The following REEP3 variants were observed in gnomAD, a reference collection of about 807,000 sequenced individuals.
REEP3 encodes the protein receptor expression-enhancing protein 3.
A neutral mutation model predicts 41.3 loss-of-function variants in REEP3; 20 were observed. That is an observed-to-expected ratio of 0.48 (90% CI 0.34 to 0.70). REEP3 has a LOEUF of 0.70. REEP3 is among the 30% of genes least tolerant of loss of function. The pLI is 0.01. For synonymous variants in REEP3, 104 were observed against 101.8 expected (o/e 1.02, Z -0.13); for missense variants, 271 against 308.8 (o/e 0.88, Z 0.92).
At chr10:63,571,586 G>A (rs985078219) in intron 2 of REEP3, among the ~76,000 whole-genome samples, 2 of 152,118 alleles carry the variant, frequency 1.3e-5, no homozygotes, top group African/African-American at 2.4e-5. Flanking sequence ...GATTAATCCA[G>A]GATAAACTTC....
Position 63,538,330 on chromosome 10 carries a change from G to C in REEP3, c.32+16753G>C, listed in dbSNP as rs149758272. 2.2e-3 allele frequency among the ~76,000 whole-genome samples: 328 copies of C among 152,244 alleles called. 2 individuals are homozygous for C. Among genetic ancestry groups the C allele is most frequent in the African/African-American group, 7.5e-3 (311 of 41,514 alleles). ...TTAGTAAGAAAATAACATTAGCCCA[G>C]AATCTGGATGGTTCTAAACCTATCA... On this transcript the variant is annotated intron_variant, in intron 1 of 7. Coordinates refer to ENST00000373758, the MANE Select transcript of REEP3 (RefSeq NM_001001330.3).
chr10:63,562,222 G>A (rs965621450), intron 1 of REEP3, among the ~76,000 whole-genome samples: 22 of 151,570 alleles, frequency 1.5e-4, no homozygotes, highest in African/African-American at 4.4e-4. Context: ...CAGTGAAGTC[G>A]CTTTCACAGG....
intron 1 of REEP3, among the ~76,000 whole-genome samples, chr10:63,537,262 A>G (rs1955483364): frequency 6.6e-6 from 1 of 152,186 alleles, no homozygotes. Flanking sequence ...AGATATGATT[A>G]CCTATGGTAT....
chr10:63,617,438 G>T (rs1956320060), intron 6 of REEP3, among the ~76,000 whole-genome samples: 1 of 152,028 alleles, frequency 6.6e-6, no homozygotes. Flanking sequence ...TATATTTTTT[G>T]AAACAGGCTA....
intron 2 of REEP3, among the ~76,000 whole-genome samples, chr10:63,576,968 C>A (rs1042527153): frequency 3.9e-5 from 6 of 152,208 alleles, no homozygotes; most frequent in Non-Finnish European, 7.3e-5. Flanking sequence ...GAAGTTAGAA[C>A]TTCAACCTGT....
intron 1 of REEP3, among the ~76,000 whole-genome samples, chr10:63,560,427 A>G (rs1427889903): frequency 6.6e-6 from 1 of 152,214 alleles, no homozygotes; most frequent in African/African-American, 2.4e-5. Context: ...ATCTGTCTAG[A>G]AAATAGCTGT....
At chr10:63,566,314 T>C (rs1338683901) in intron 1 of REEP3, 24 bp from the exon 2 acceptor site, 1 of 1,353,046 alleles carries the variant, frequency 7.4e-7, no homozygotes, top group East Asian at 2.5e-5. Flanking sequence ...GTTTGAACAG[T>C]ATTCTCATTT....
At chr10:63,523,788 G>A (rs1180224612) in intron 1 of REEP3, among the ~76,000 whole-genome samples, 1 of 152,214 alleles carries the variant, frequency 6.6e-6, no homozygotes, top group Non-Finnish European at 1.5e-5. Context: ...TGGGGAAAAA[G>A]CAAGCTGGAA....
chr10:63,539,625 T>A (rs1348896224), intron 1 of REEP3, among the ~76,000 whole-genome samples: 2 of 152,184 alleles, frequency 1.3e-5, no homozygotes, highest in Non-Finnish European at 2.9e-5. Context: ...AGACCCCATC[T>A]CTTTAAAAAA....
intron 1 of REEP3, among the ~76,000 whole-genome samples, chr10:63,535,755 A>C (rs143870581): frequency 6.6e-6 from 1 of 152,306 alleles, no homozygotes; most frequent in East Asian, 1.9e-4. Context: ...TAACTTAATA[A>C]ATAGTGTTGT....
chr10:63,554,156 A>G (rs1032571903), intron 1 of REEP3, among the ~76,000 whole-genome samples: 7 of 152,024 alleles, frequency 4.6e-5, no homozygotes, highest in Admixed American at 4.6e-4. Flanking sequence ...TCTTTAAGTC[A>G]GTGGGCCTAA....
intron 2 of REEP3, among the ~76,000 whole-genome samples, chr10:63,589,950 A>G (rs1287593111): frequency 6.6e-6 from 1 of 151,868 alleles, no homozygotes; most frequent in East Asian, 1.9e-4. Context: ...ACGCACTACC[A>G]TGCCCGGCTA....
In REEP3 at chr10:63,521,568, G is replaced by C; in HGVS notation, c.23G>C (p.Arg8Thr). The C allele has an allele frequency of 7.0e-7, 1 of 1,427,998 alleles. No individual in the cohort carries two copies. Among genetic ancestry groups the C allele is most frequent in the East Asian group, 3.1e-5 (1 of 32,648 alleles). 88.5% of individuals were successfully genotyped at this position (1,427,998 alleles called of 1,614,324 possible). A position where few individuals can be genotyped will look rare whatever the true frequency, so the allele number is the denominator to read the frequency against. Residue 8 changes from arginine (R) to threonine (T), a missense_variant, in exon 1 of 8, where the codon AGA (arginine) becomes ACA (threonine). Coordinates refer to ENST00000373758, the MANE Select transcript of REEP3 (RefSeq NM_001001330.3). ...AAGATGGTGTCCTGGATGATCTCCA[G>C]AGCCGTGGTGTAAGTGCCTCTCACT... is the stretch of plus-strand genomic sequence containing the variant. MVSWMISRAVVLVFGMLY... is the reference protein window; with the variant it reads MVSWMISTAVVLVFGMLY...
At chr10:63,577,093 G>C (rs773260729) in intron 2 of REEP3, among the ~76,000 whole-genome samples, 3 of 152,108 alleles carry the variant, frequency 2.0e-5, no homozygotes, top group Non-Finnish European at 4.4e-5. Context: ...TATATCTTTA[G>C]GTATTTTCTC....
At chr10:63,569,409 C>CTGTG (rs143283543) in intron 2 of REEP3, among the ~76,000 whole-genome samples, 1 of 150,202 alleles carries the variant, frequency 6.7e-6, no homozygotes, top group Non-Finnish European at 1.5e-5. Context: ...TGGTGTGCTG[C>CTGTG]TGTGTGTGTG....
At chr10:63,594,584 A>G (rs1448930494) in intron 2 of REEP3, among the ~76,000 whole-genome samples, 194 bp from the exon 3 acceptor site, 1 of 152,208 alleles carries the variant, frequency 6.6e-6, no homozygotes, top group Non-Finnish European at 1.5e-5. Context: ...GTAGTAATGT[A>G]AAGAACTCAA....
chr10:63,535,922 T>G (rs1445408141), intron 1 of REEP3, among the ~76,000 whole-genome samples: 1 of 152,152 alleles, frequency 6.6e-6, no homozygotes, highest in Non-Finnish European at 1.5e-5. Flanking sequence ...CACAATTTGG[T>G]AGAGAAGAAT....
chr10:63,599,255 C>A lies in REEP3; in HGVS notation c.389C>A (p.Ala130Asp). 1 of 1,554,396 alleles carries A rather than the reference C, an allele frequency of 6.4e-7. No homozygotes were observed. Among genetic ancestry groups the A allele is most frequent in the Non-Finnish European group, 8.7e-7 (1 of 1,148,454 alleles). Residue 130 changes from alanine (A) to aspartate (D), a missense_variant, in exon 5 of 8, where the codon GCT becomes GAT. By Grantham distance (126) the Ala-to-Asp change is moderately radical. Transcript: ENST00000373758. Reference protein sequence around the residue: ...NFGRQGLNLAATAAVTAAVKS... With the variant: ...NFGRQGLNLADTAAVTAAVKS... ...GGACGGCAAGGTTTAAACCTTGCAGCTACTGCTGCTGTTACTGCAGCAGTA... is the reference window on the plus strand; with the variant it reads ...GGACGGCAAGGTTTAAACCTTGCAGATACTGCTGCTGTTACTGCAGCAGTA...
chr10:63,564,873 G>C (rs1955781904), intron 1 of REEP3, among the ~76,000 whole-genome samples: 2 of 152,182 alleles, frequency 1.3e-5, no homozygotes, highest in Admixed American at 6.5e-5. Context: ...GTGTAGAATA[G>C]TAAAACCTCA....
Sources: gnomAD v4.1 joint callset for allele counts (sites outside exome capture counted in the v4.1 genomes callset) on GRCh38, gnomAD v4.1.1 for gene constraint, MANE v1.5 for transcripts, NCBI Gene and HGNC (gene_info 2026-07-23, HGNC 2026-07-21) for gene names.